Variants in CCDC191 observed in about 807,000 individuals in gnomAD.
CCDC191 encodes the protein coiled-coil domain-containing protein 191.
In CCDC191, 99 loss-of-function variants were observed where a neutral mutation model predicts 114.0. The observed-to-expected ratio is 0.87, with a 90% CI of 0.74 to 1.03. The LOEUF (loss-of-function observed/expected upper bound fraction) is 1.03, where lower values mean the gene tolerates loss of function less well. CCDC191 is among the 50% of genes least tolerant of loss of function. The pLI, the probability that CCDC191 is intolerant of heterozygous loss-of-function variation, is 0.00. For synonymous variants in CCDC191, 351 were observed against 376.0 expected (o/e 0.93, Z 0.77); for missense variants, 973 against 1,087.0 (o/e 0.90, Z 1.47).
chr3:114,019,760 C>A (rs1464591431), intron 7 of CCDC191, among the ~76,000 whole-genome samples: 2 of 152,138 alleles, frequency 1.3e-5, no homozygotes, highest in African/African-American at 4.8e-5. Flanking sequence ...ATATTAATTT[C>A]TCTGTCCCTC....
chr3:114,001,693 G>A lies in CCDC191; in HGVS notation c.2065C>T (p.Gln689Ter), dbSNP rs1383542118. The change falls in exon 13 of 17, where the codon CAG (glutamine) becomes TAG (stop). Residue 689 changes from glutamine (Q) to a stop codon, truncating the protein, a stop_gained. Transcript: ENST00000295878. LOFTEE classifies it high-confidence loss of function. Reference protein sequence around the residue: ...KKKQEEEKLAQLKAQEEERQK... With the variant: ...KKKQEEEKLA Reference sequence around the variant, plus strand: ...CGTTCCTCCTCTTGGGCCTTTAACTGGGCCTGATTGAGATTAGAACCCAGA... The same window carrying A: ...CGTTCCTCCTCTTGGGCCTTTAACTAGGCCTGATTGAGATTAGAACCCAGA... 1 of 1,613,518 alleles carries A rather than the reference G, an allele frequency of 6.2e-7. No individual in the cohort carries two copies. The highest frequency in any genetic ancestry group is 8.5e-7 in the Non-Finnish European group (1 of 1,179,744).
intron 9 of CCDC191, among the ~76,000 whole-genome samples, chr3:114,009,338 AAAG>A (rs1199525141): frequency 6.6e-6 from 1 of 152,196 alleles, no homozygotes; most frequent in African/African-American, 2.4e-5. Context: ...ACTCTTTTAT[AAAG>A]TAACAGCTTA....
At chr3:113,991,183 C>T (rs1485880955) in intron 13 of CCDC191, among the ~76,000 whole-genome samples, 4 of 148,324 alleles carry the variant, frequency 2.7e-5, no homozygotes, top group Non-Finnish European at 5.9e-5. Flanking sequence ...TTACAGTGAG[C>T]TGAGATCACG....
At chr3:113,977,145 A>AAAT (rs1941424558) in intron 16 of CCDC191, among the ~76,000 whole-genome samples, 1 of 152,260 alleles carries the variant, frequency 6.6e-6, no homozygotes, top group East Asian at 1.9e-4. Flanking sequence ...AAAAAGACAA[A>AAAT]AATTAGCCGG....
chr3:114,025,451 T>C (rs1226819292), intron 7 of CCDC191, among the ~76,000 whole-genome samples: 2 of 152,200 alleles, frequency 1.3e-5, no homozygotes, highest in Admixed American at 6.5e-5. Context: ...CATAAATGTG[T>C]CAATATGTAC....
chr3:113,992,136 G>A (rs1169563579), intron 13 of CCDC191, among the ~76,000 whole-genome samples: 1 of 152,168 alleles, frequency 6.6e-6, no homozygotes, highest in Non-Finnish European at 1.5e-5. Context: ...CAGCAGTGAA[G>A]TTCCAGCACA....
At chr3:114,029,398 A>G (rs1340613212) in intron 7 of CCDC191, among the ~76,000 whole-genome samples, 1 of 152,220 alleles carries the variant, frequency 6.6e-6, no homozygotes. Flanking sequence ...ATAAATACAC[A>G]TATACATACA....
At chr3:113,999,533 C>T (rs182569010) in intron 13 of CCDC191, among the ~76,000 whole-genome samples, 122 of 152,276 alleles carry the variant, frequency 8.0e-4, no homozygotes, top group African/African-American at 2.9e-3. Flanking sequence ...TGGAAAACTA[C>T]AACCTAATCC....
chr3:114,013,818 A>G (rs2076114384), intron 8 of CCDC191, among the ~76,000 whole-genome samples: 1 of 152,172 alleles, frequency 6.6e-6, no homozygotes, highest in Non-Finnish European at 1.5e-5. Context: ...CATGTTTTGG[A>G]ACTTACAAGT....
At chr3:113,978,104 G>A in intron 16 of CCDC191, 82 bp downstream of exon 16, 3 of 1,499,378 alleles carry the variant, frequency 2.0e-6, no homozygotes, top group Non-Finnish European at 9.2e-7. Flanking sequence ...GCTCATCTCT[G>A]CAGACACATT....
chr3:114,027,601 CAAAAA>C (rs67548547), intron 7 of CCDC191, among the ~76,000 whole-genome samples: 8 of 60,124 alleles, frequency 1.3e-4, no homozygotes, highest in African/African-American at 2.1e-4. Flanking sequence ...GACTCTGTCT[CAAAAA>C]AAAAAAAAAA....
chr3:113,989,757 G>A (rs1438428621), intron 13 of CCDC191, among the ~76,000 whole-genome samples: 3 of 152,162 alleles, frequency 2.0e-5, no homozygotes, highest in Admixed American at 6.5e-5. Flanking sequence ...AGGCCAAGGT[G>A]GGAGGATCTC....
At chr3:114,022,927 T>C (rs2076264345) in intron 7 of CCDC191, among the ~76,000 whole-genome samples, 2 of 152,322 alleles carry the variant, frequency 1.3e-5, no homozygotes, top group African/African-American at 2.4e-5. Context: ...TTGTCCCTGT[T>C]TGCAGACAAC....
intron 9 of CCDC191, among the ~76,000 whole-genome samples, chr3:114,006,625 T>C (rs1330146907): frequency 1.5e-5 from 2 of 134,744 alleles, no homozygotes; most frequent in Non-Finnish European, 3.3e-5. Flanking sequence ...TATAAATATA[T>C]ATATTTTATA....
At chr3:113,995,884 G>A (rs2075706836) in intron 13 of CCDC191, among the ~76,000 whole-genome samples, 1 of 152,180 alleles carries the variant, frequency 6.6e-6, no homozygotes, top group South Asian at 2.1e-4. Context: ...CAGTGATGAT[G>A]AGCTTTTTTC....
In CCDC191 at chr3:113,965,130, G is replaced by A. The variant is rs193002499; in HGVS notation, c.*25C>T. ...CACATACAGACTAGTCGAGCTTCCT[G>A]TCCTAAATATTACACTAATCTGGCT... On this transcript the variant is annotated 3_prime_UTR_variant, in exon 17 of 17. Coordinates refer to ENST00000295878, the MANE Select transcript of CCDC191 (RefSeq NM_020817.2). 1 of 1,505,040 alleles carries A rather than the reference G, an allele frequency of 6.6e-7. No individual in the cohort carries two copies. The highest frequency in any genetic ancestry group is 1.9e-5 in the Admixed American group (1 of 51,688). 93.2% of individuals were successfully genotyped at this position (1,505,040 alleles called of 1,614,324 possible). A position where few individuals can be genotyped will look rare whatever the true frequency, so the allele number is the denominator to read the frequency against.
intron 16 of CCDC191, among the ~76,000 whole-genome samples, chr3:113,975,593 T>TAAAC (rs988128495): frequency 9.8e-5 from 15 of 152,314 alleles, no homozygotes; most frequent in Admixed American, 8.5e-4. Context: ...GTTTAACATG[T>TAAAC]AAACAGTAAA....
intron 2 of CCDC191, chr3:114,047,235 G>C (rs1464382647): frequency 4.1e-6 from 2 of 488,040 alleles, no homozygotes; most frequent in African/African-American, 2.1e-5. Flanking sequence ...TCACTGAACT[G>C]TAGCCATCTA....
At chr3:114,040,132 C>A (rs975152500) in intron 4 of CCDC191, among the ~76,000 whole-genome samples, 5 of 152,078 alleles carry the variant, frequency 3.3e-5, no homozygotes, top group African/African-American at 1.2e-4. Context: ...GTTTAGACAC[C>A]CAAATACTTA....
Sources: gnomAD v4.1 joint callset for allele counts (sites outside exome capture counted in the v4.1 genomes callset) on GRCh38, gnomAD v4.1.1 for gene constraint, MANE v1.5 for transcripts, NCBI Gene and HGNC (gene_info 2026-07-23, HGNC 2026-07-21) for gene names.